Variants in DLGAP2 observed in about 807,000 individuals in gnomAD.
DLGAP2 encodes DLG associated protein 2.
A neutral mutation model predicts 100.3 loss-of-function variants in DLGAP2; 26 were observed. The observed-to-expected ratio is 0.26, with a 90% confidence interval of 0.19 to 0.36. DLGAP2 has a LOEUF of 0.36. Ranked by LOEUF, DLGAP2 falls within the 10% of genes least tolerant of loss-of-function variation. The pLI is 1.00. For missense variants in DLGAP2, 1,858 were observed against 1,453.2 expected, an observed-to-expected ratio of 1.28 and a Z score of -4.53; for synonymous variants, 886 against 630.1, an observed-to-expected ratio of 1.41 and a Z score of -6.08.
chr8:1,145,158 A>G (rs1363703670), intron 2 of DLGAP2, among the ~76,000 whole-genome samples: 1 of 152,190 alleles, frequency 6.6e-6, no homozygotes, highest in Non-Finnish European at 1.5e-5. Flanking sequence ...CAGACAAAGC[A>G]ACCAGAAACA....
chr8:1,206,420 A>G (rs1797991979), intron 2 of DLGAP2, among the ~76,000 whole-genome samples: 2 of 152,026 alleles, frequency 1.3e-5, no homozygotes, highest in African/African-American at 4.8e-5. Flanking sequence ...GTAGACTGTG[A>G]GCGGTTAATC....
intron 1 of DLGAP2, among the ~76,000 whole-genome samples, chr8:890,295 G>A (rs966385623): frequency 2.6e-5 from 4 of 152,182 alleles, no homozygotes; most frequent in Non-Finnish European, 4.4e-5. Flanking sequence ...ATGGCAGAGC[G>A]TGGTTTGCTG....
chr8:1,618,461 C>T (rs1484754933), intron 6 of DLGAP2, among the ~76,000 whole-genome samples: 2 of 152,136 alleles, frequency 1.3e-5, no homozygotes, highest in African/African-American at 2.4e-5. Context: ...TGTGAAATCT[C>T]CCCAGACTGA....
At chr8:826,799 G>A (rs1410131350) in intron 1 of DLGAP2, among the ~76,000 whole-genome samples, 2 of 152,106 alleles carry the variant, frequency 1.3e-5, no homozygotes, top group South Asian at 2.1e-4. Flanking sequence ...GCTACGTTTG[G>A]GATTTCTTCT....
At chr8:1,163,364 C>T (rs955422814) in intron 2 of DLGAP2, among the ~76,000 whole-genome samples, 1 of 152,252 alleles carries the variant, frequency 6.6e-6, no homozygotes, top group African/African-American at 2.4e-5. Flanking sequence ...CCTTCGCCTC[C>T]GCTCAGCGGG....
At chr8:1,434,731 T>C (rs1317043941) in intron 3 of DLGAP2, among the ~76,000 whole-genome samples, 1 of 152,194 alleles carries the variant, frequency 6.6e-6, no homozygotes, top group African/African-American at 2.4e-5. Context: ...AGCCTTTGTC[T>C]TCCAAAGTGC....
chr8:838,706 C>G (rs1244111916), intron 1 of DLGAP2, among the ~76,000 whole-genome samples: 1 of 152,072 alleles, frequency 6.6e-6, no homozygotes. Context: ...TTACTGCAAA[C>G]AGGGATCCCT....
In DLGAP2 at chr8:870,523, C is replaced by T. The variant is rs1797577745; in HGVS notation, c.19-37389C>T. Among the ~76,000 whole-genome samples, 3 of 152,174 alleles carry T rather than the reference C, an allele frequency of 2.0e-5. No homozygotes were observed. In the South Asian group the frequency reaches 6.2e-4, roughly 32 times the overall value. ...CTCACCCCTTTGCCGTCTGTCTCCT[C>T]TCACTTCCTGCTCTGTCTCCTCTCA... is the stretch of plus-strand genomic sequence containing the variant. On this transcript the variant is annotated intron_variant, in intron 1 of 14. Coordinates refer to ENST00000637795, the MANE Select transcript of DLGAP2 (RefSeq NM_001346810.2).
At chr8:1,486,975 C>T (rs1799250233) in intron 3 of DLGAP2, among the ~76,000 whole-genome samples, 1 of 152,158 alleles carries the variant, frequency 6.6e-6, no homozygotes, top group South Asian at 2.1e-4. Context: ...TTGGGGCCCG[C>T]CAAGCTGCCA....
At chr8:1,586,454 A>G (rs1382257613) in intron 6 of DLGAP2, among the ~76,000 whole-genome samples, 1 of 152,140 alleles carries the variant, frequency 6.6e-6, no homozygotes, top group Admixed American at 6.5e-5. Context: ...TCGATCTCCG[A>G]CTTGCTCTGC....
intron 2 of DLGAP2, among the ~76,000 whole-genome samples, chr8:1,189,883 G>T (rs916216475): frequency 6.6e-6 from 1 of 152,306 alleles, no homozygotes; most frequent in Admixed American, 6.5e-5. Context: ...TCACAGAGGT[G>T]ATGGGGGAGG....
intron 2 of DLGAP2, among the ~76,000 whole-genome samples, chr8:1,084,928 C>T (rs1354757178): frequency 6.6e-6 from 1 of 152,188 alleles, no homozygotes; most frequent in Non-Finnish European, 1.5e-5. Context: ...CTTTTTAATT[C>T]CTGAGACACC....
At chr8:762,300 T>C (rs1276886348) in intron 1 of DLGAP2, among the ~76,000 whole-genome samples, 2 of 152,222 alleles carry the variant, frequency 1.3e-5, no homozygotes, top group African/African-American at 4.8e-5. Flanking sequence ...AATATCTTTG[T>C]CAAACTCTTG....
intron 1 of DLGAP2, among the ~76,000 whole-genome samples, chr8:744,442 C>G (rs111370987): frequency 2.0e-5 from 3 of 152,132 alleles, no homozygotes; most frequent in South Asian, 2.1e-4. Flanking sequence ...GACGCCTCCT[C>G]GAGGTACAGA....
chr8:1,315,956 C>G (rs1157445821), intron 3 of DLGAP2, among the ~76,000 whole-genome samples: 4 of 135,836 alleles, frequency 2.9e-5, no homozygotes, highest in Non-Finnish European at 4.8e-5. Context: ...GTGGTCTACA[C>G]TCGAGAAACT....
chr8:987,855 T>C (rs1255982557), intron 2 of DLGAP2, among the ~76,000 whole-genome samples: 1 of 152,212 alleles, frequency 6.6e-6, no homozygotes, highest in East Asian at 1.9e-4. Context: ...AAGGATCCTC[T>C]CTTTCAGCTG....
At chr8:1,482,584 G>C (rs905207771) in intron 3 of DLGAP2, among the ~76,000 whole-genome samples, 1 of 152,264 alleles carries the variant, frequency 6.6e-6, no homozygotes, top group Non-Finnish European at 1.5e-5. Flanking sequence ...CACTGGCATG[G>C]CTCGCTCTCG....
intron 1 of DLGAP2, among the ~76,000 whole-genome samples, chr8:759,735 C>T (rs1001904107): frequency 9.9e-5 from 15 of 152,162 alleles, no homozygotes; most frequent in African/African-American, 3.4e-4. Context: ...ACTTACACGC[C>T]CCTGATGTAT....
intron 3 of DLGAP2, among the ~76,000 whole-genome samples, chr8:1,409,990 G>T (rs929067358): frequency 1.3e-5 from 2 of 152,202 alleles, no homozygotes; most frequent in African/African-American, 2.4e-5. Context: ...TGTGTGTCCT[G>T]TTGGTTCCAT....
Sources: gnomAD v4.1 joint callset for allele counts (sites outside exome capture counted in the v4.1 genomes callset) on GRCh38, gnomAD v4.1.1 for gene constraint, MANE v1.5 for transcripts, NCBI Gene and HGNC (gene_info 2026-07-23, HGNC 2026-07-21) for gene names.